Variants in FRMD4B observed in about 807,000 individuals in gnomAD.
The protein encoded by FRMD4B is FERM domain containing 4B.
In FRMD4B, 74 loss-of-function variants were observed where a neutral mutation model predicts 141.5. That is an observed-to-expected ratio of 0.52 (90% CI 0.43 to 0.63). FRMD4B has a LOEUF of 0.63. FRMD4B is among the 30% of genes least tolerant of loss of function. The pLI, the probability that FRMD4B is intolerant of heterozygous loss-of-function variation, is 0.00. For missense variants in FRMD4B, 1,366 were observed against 1,253.4 expected, an observed-to-expected ratio of 1.09 and a Z score of -1.36; for synonymous variants, 506 against 467.9, an observed-to-expected ratio of 1.08 and a Z score of -1.05.
chr3:69,455,521 A>G (rs995064319), intron 1 of FRMD4B, among the ~76,000 whole-genome samples: 1 of 152,210 alleles, frequency 6.6e-6, no homozygotes, highest in East Asian at 1.9e-4. Flanking sequence ...TTCTGAAGCC[A>G]GCGAGACCAT....
At chr3:69,224,891 T>G (rs1360419878) in intron 7 of FRMD4B, among the ~76,000 whole-genome samples, 1 of 82,218 alleles carries the variant, frequency 1.2e-5, no homozygotes, top group African/African-American at 3.0e-5. Flanking sequence ...TTTATAATAT[T>G]TTCTGCACAT....
At chr3:69,192,201 T>C (rs1053779552) in intron 17 of FRMD4B, among the ~76,000 whole-genome samples, 1 of 151,682 alleles carries the variant, frequency 6.6e-6, no homozygotes, top group Non-Finnish European at 1.5e-5. Flanking sequence ...CTGGGCAACA[T>C]GGTGAAACCC....
chr3:69,221,877 G>A lies in FRMD4B; in HGVS notation c.712C>T (p.Arg238Ter). 6.4e-7 allele frequency: 1 copy of A among 1,562,850 alleles called. No individual in the cohort carries two copies. Among genetic ancestry groups the A allele is most frequent in the Non-Finnish European group, 8.8e-7 (1 of 1,138,636 alleles). ...EHYLKIKGLT[R>*]GQAVVQYMKI... ...ACTTACTGAACCACAGCTTGACCTCGAGTGAGACCTTTGATTTTCAAATAA... is the reference window on the plus strand; with the variant it reads ...ACTTACTGAACCACAGCTTGACCTCAAGTGAGACCTTTGATTTTCAAATAA... Residue 238 changes from arginine to a stop codon, truncating the protein, a stop_gained, in exon 9 of 23, where the codon CGA becomes TGA. Coordinates refer to ENST00000398540, the MANE Select transcript of FRMD4B (RefSeq NM_015123.3). LOFTEE classifies it high-confidence loss of function.
intron 7 of FRMD4B, among the ~76,000 whole-genome samples, chr3:69,246,025 C>G (rs550981983): frequency 3.1e-4 from 47 of 151,990 alleles, no homozygotes; most frequent in Non-Finnish European, 4.4e-4. Context: ...TTAGTAGAAA[C>G]AGGGTTTCTC....
chr3:69,360,869 A>G (rs1485015568), intron 1 of FRMD4B, among the ~76,000 whole-genome samples: 2 of 152,132 alleles, frequency 1.3e-5, no homozygotes. Flanking sequence ...CAGCTATATC[A>G]TTTAATTAAT....
chr3:69,504,394 G>C (rs894256510), intron 1 of FRMD4B, among the ~76,000 whole-genome samples: 5 of 152,040 alleles, frequency 3.3e-5, no homozygotes, highest in Admixed American at 3.3e-4. Flanking sequence ...ATTCAGAGTT[G>C]TGCAACCATC....
chr3:69,464,147 GCTGA>G (rs1705747075), intron 1 of FRMD4B, among the ~76,000 whole-genome samples: 1 of 152,142 alleles, frequency 6.6e-6, no homozygotes, highest in African/African-American at 2.4e-5. Flanking sequence ...AGCAACTAAG[GCTGA>G]CTTTCTGAAT....
intron 1 of FRMD4B, among the ~76,000 whole-genome samples, chr3:69,451,365 C>T (rs1167233648): frequency 6.6e-6 from 1 of 152,146 alleles, no homozygotes; most frequent in East Asian, 1.9e-4. Context: ...TGGATGATAG[C>T]TGTAGGAAGT....
Position 69,285,518 on chromosome 3 carries a change from G to C in FRMD4B, c.501+2234C>G, listed in dbSNP as rs1446771518. Among the ~76,000 whole-genome samples, 6 of 151,190 alleles carry C rather than the reference G, an allele frequency of 4.0e-5. No individual in the cohort carries two copies. The East Asian group carries it at 1.2e-3, about 29-fold the overall frequency. On this transcript the variant is annotated intron_variant, in intron 5 of 22. Transcript: ENST00000398540. ...ACACACACATACACAAACACATGAAGAAAGCTATACCAAGGCACCTCATAA... is the reference window on the plus strand; with the variant it reads ...ACACACACATACACAAACACATGAACAAAGCTATACCAAGGCACCTCATAA...
At chr3:69,190,481 C>T (rs866141753) in intron 17 of FRMD4B, among the ~76,000 whole-genome samples, 4 of 151,072 alleles carry the variant, frequency 2.6e-5, no homozygotes, top group Admixed American at 6.6e-5. Flanking sequence ...ATGGTGTGAT[C>T]GTGGCTCACT....
At chr3:69,396,155 G>A (rs922007831) in intron 2 of FRMD4B, among the ~76,000 whole-genome samples, 3 of 152,062 alleles carry the variant, frequency 2.0e-5, no homozygotes, top group Non-Finnish European at 4.4e-5. Flanking sequence ...TTGATCTAAG[G>A]GAAGGCACAA....
intron 2 of FRMD4B, among the ~76,000 whole-genome samples, chr3:69,431,551 T>C (rs150348191): frequency 3.9e-5 from 6 of 152,372 alleles, no homozygotes; most frequent in African/African-American, 1.4e-4. Flanking sequence ...GCACTTTTTA[T>C]GGGCTCAGCA....
At chr3:69,369,603 TA>T (rs1267707169) in intron 1 of FRMD4B, among the ~76,000 whole-genome samples, 2 of 151,980 alleles carry the variant, frequency 1.3e-5, no homozygotes, top group African/African-American at 4.8e-5. Context: ...ACACATTCAC[TA>T]AAAAATAAAA....
chr3:69,502,086 C>T (rs9692699), intron 1 of FRMD4B, among the ~76,000 whole-genome samples: 82,944 of 151,912 alleles, frequency 0.55, 23,221 homozygotes, highest in African/African-American at 0.69. Context: ...GAATCAATAT[C>T]GTGAAAATGG....
At position 69,410,718 on chromosome 3, in the gene FRMD4B, AATAAATAAATATAT is replaced by A. The variant is rs1178831345; in HGVS notation, c.-1+21902_-1+21915del. ...AAAAAAAGAAATATATAAATAAATA[AATAAATAAATATAT>A]ATATATATATATATATATATATATA... On this transcript the variant is annotated intron_variant, in intron 2 of 5. Coordinates refer to the FRMD4B transcript ENST00000459638. Among the ~76,000 whole-genome samples the A allele has an allele frequency of 1.7e-3, 126 of 72,416 alleles. 1 individual carries two copies. The highest frequency in any genetic ancestry group is 6.3e-3 in the African/African-American group (116 of 18,416). The allele number at this position is 72,416 out of a possible 152,430, so 47.5% of individuals were successfully genotyped here.
At chr3:69,392,792 C>T (rs1183469535) in intron 2 of FRMD4B, among the ~76,000 whole-genome samples, 1 of 152,088 alleles carries the variant, frequency 6.6e-6, no homozygotes, top group African/African-American at 2.4e-5. Flanking sequence ...GTCTGAATGC[C>T]TCATGTCCCT....
In FRMD4B at chr3:69,496,630, AGAGAGAAAGAG is replaced by A. The variant is rs1559545600; in HGVS notation, c.-129+45565_-129+45575del. 4.2e-3 allele frequency among the ~76,000 whole-genome samples: 381 copies of A among 90,032 alleles called. 1 individual carries two copies. Among genetic ancestry groups the A allele is most frequent in the Admixed American group, 9.9e-3 (91 of 9,216 alleles). 59.1% of individuals were successfully genotyped at this position (90,032 alleles called of 152,430 possible). A position where few individuals can be genotyped will look rare whatever the true frequency, so the allele number is the denominator to read the frequency against. ...GAGAGAGTGAGAGAGAGAGAGAGAGAGAGAGAAAGAGAGAGAGAGAGAGAGAGAGAGAGAGA... is the reference window on the plus strand; with the variant it reads ...GAGAGAGTGAGAGAGAGAGAGAGAGAAGAGAGAGAGAGAGAGAGAGAGAGA... On this transcript the variant is annotated intron_variant, in intron 1 of 5. Coordinates refer to the FRMD4B transcript ENST00000459638.
At chr3:69,192,875 T>C (rs1276516368) in intron 17 of FRMD4B, among the ~76,000 whole-genome samples, 1 of 151,910 alleles carries the variant, frequency 6.6e-6, no homozygotes, top group African/African-American at 2.4e-5. Context: ...TGGAGTGCAG[T>C]GGTGCAATCA....
intron 7 of FRMD4B, among the ~76,000 whole-genome samples, chr3:69,225,519 C>CAAAAAAAAAA (rs35855787): frequency 1.8e-4 from 9 of 50,578 alleles, no homozygotes; most frequent in Middle Eastern, 0.017. Context: ...ACTAAAAATA[C>CAAAAAAAAAA]AAAAAAAAAA....
Sources: gnomAD v4.1 joint callset for allele counts (sites outside exome capture counted in the v4.1 genomes callset) on GRCh38, gnomAD v4.1.1 for gene constraint, MANE v1.5 for transcripts, NCBI Gene and HGNC (gene_info 2026-07-23, HGNC 2026-07-21) for gene names.